The following DCC variants were observed in gnomAD, a reference collection of about 807,000 sequenced individuals.
DCC encodes the protein DCC netrin 1 receptor.
In DCC, 58 loss-of-function variants were observed where a neutral mutation model predicts 172.5. That is an observed-to-expected ratio of 0.34 (90% CI 0.27 to 0.42). The LOEUF (loss-of-function observed/expected upper bound fraction) is 0.42. Among genes scored for constraint, DCC ranks in the 10% least tolerant of loss-of-function variants. The pLI, the probability that DCC is intolerant of heterozygous loss-of-function variation, is 1.00. For synonymous variants in DCC, 709 were observed against 644.5 expected (o/e 1.10, Z -1.52); for missense variants, 1,740 against 1,791.0 (o/e 0.97, Z 0.51).
intron 1 of DCC, among the ~76,000 whole-genome samples, chr18:52,461,926 T>C (rs73955645): frequency 0.041 from 6,280 of 152,300 alleles, 178 homozygotes; most frequent in South Asian, 0.12. Flanking sequence ...CAGCGCCTTA[T>C]CTTCTTTCCT....
intron 1 of DCC, among the ~76,000 whole-genome samples, chr18:52,683,163 A>T (rs1057157764): frequency 1.3e-5 from 2 of 152,106 alleles, no homozygotes; most frequent in Non-Finnish European, 2.9e-5. Flanking sequence ...AATGATTGCA[A>T]GTCTTTGTCT....
chr18:52,993,452 T>A (rs772721492), intron 5 of DCC, among the ~76,000 whole-genome samples: 1 of 152,176 alleles, frequency 6.6e-6, no homozygotes, highest in East Asian at 1.9e-4. Context: ...AACACCACAC[T>A]GGTCACCTCT....
intron 12 of DCC, among the ~76,000 whole-genome samples, chr18:53,274,593 C>T (rs1007801960): frequency 2.6e-5 from 4 of 152,110 alleles, no homozygotes; most frequent in Admixed American, 2.6e-4. Flanking sequence ...AACATATCTA[C>T]TCCTAGAATT....
chr18:53,000,711 G>T (rs2143841711), intron 5 of DCC, among the ~76,000 whole-genome samples: 1 of 149,290 alleles, frequency 6.7e-6, no homozygotes, highest in East Asian at 2.0e-4. Context: ...TCAGGGACAG[G>T]AACTCAGTCA....
chr18:53,474,494 T>C (rs922917203), intron 25 of DCC, among the ~76,000 whole-genome samples: 1 of 152,178 alleles, frequency 6.6e-6, no homozygotes, highest in Admixed American at 6.5e-5. Context: ...GGTAATTGAA[T>C]CAGGGGCAGG....
chr18:52,627,574 T>C, intron 1 of DCC, among the ~76,000 whole-genome samples: 1 of 152,228 alleles, frequency 6.6e-6, no homozygotes, highest in Admixed American at 6.5e-5. Context: ...GGTTGTTCAG[T>C]TGAGCTTCCC....
chr18:53,274,758 G>T (rs989868958), intron 12 of DCC, among the ~76,000 whole-genome samples: 2 of 152,132 alleles, frequency 1.3e-5, no homozygotes, highest in African/African-American at 4.8e-5. Context: ...AAAGCAAGCT[G>T]TGTAGGCCCT....
At chr18:52,398,121 GAC>G (rs377195215) in intron 1 of DCC, among the ~76,000 whole-genome samples, 18,977 of 151,872 alleles carry the variant, frequency 0.12, 1,343 homozygotes, top group Middle Eastern at 0.16. Flanking sequence ...CTTTAACTTT[GAC>G]GGTACATACA....
At chr18:53,454,028 A>G (rs1054259357) in intron 23 of DCC, among the ~76,000 whole-genome samples, 2 of 152,206 alleles carry the variant, frequency 1.3e-5, no homozygotes, top group Admixed American at 6.5e-5. Flanking sequence ...TAGTGAGATT[A>G]TCGTATGACA....
intron 2 of DCC, among the ~76,000 whole-genome samples, chr18:52,881,651 A>T (rs2039487250): frequency 6.6e-6 from 1 of 152,064 alleles, no homozygotes; most frequent in Non-Finnish European, 1.5e-5. Flanking sequence ...ATTCTGTTCC[A>T]TTGGTCTATG....
intron 1 of DCC, among the ~76,000 whole-genome samples, chr18:52,371,898 C>T (rs1357158459): frequency 6.6e-6 from 1 of 152,172 alleles, no homozygotes; most frequent in Non-Finnish European, 1.5e-5. Context: ...CCAGGCAATG[C>T]TTTGATAATA....
At chr18:53,109,453 C>A (rs1454235464) in intron 7 of DCC, among the ~76,000 whole-genome samples, 1 of 151,358 alleles carries the variant, frequency 6.6e-6, no homozygotes, top group Non-Finnish European at 1.5e-5. Context: ...TTTCTGTGTG[C>A]AAGCCTTGCC....
chr18:53,351,386 A>ATATATACAG (rs1216394842), intron 15 of DCC, among the ~76,000 whole-genome samples: 2 of 20,550 alleles, frequency 9.7e-5, no homozygotes, highest in Non-Finnish European at 1.8e-4. Flanking sequence ...TATATACAGT[A>ATATATACAG]TATATATATA....
intron 1 of DCC, among the ~76,000 whole-genome samples, chr18:52,675,293 G>A (rs2035628987): frequency 6.6e-6 from 1 of 152,250 alleles, no homozygotes; most frequent in South Asian, 2.1e-4. Context: ...GACCTCAAGT[G>A]ATCCAACTGC....
intron 22 of DCC, among the ~76,000 whole-genome samples, chr18:53,440,338 A>G (rs577713193): frequency 2.6e-4 from 40 of 152,306 alleles, no homozygotes; most frequent in Non-Finnish European, 4.6e-4. Context: ...ATTGACCTCA[A>G]CCTTTAAAGA....
intron 13 of DCC, among the ~76,000 whole-genome samples, chr18:53,321,498 A>T (rs2057411075): frequency 6.6e-6 from 1 of 152,182 alleles, no homozygotes; most frequent in Non-Finnish European, 1.5e-5. Flanking sequence ...TGCCAAAATC[A>T]TCATAGGGAT....
chr18:53,038,053 C>T (rs1480780614), intron 5 of DCC, among the ~76,000 whole-genome samples: 3 of 152,032 alleles, frequency 2.0e-5, no homozygotes, highest in Middle Eastern at 3.4e-3. Context: ...CCAACAGGTA[C>T]ATTTGAGATT....
intron 2 of DCC, among the ~76,000 whole-genome samples, chr18:52,855,368 A>G (rs1362150652): frequency 1.3e-5 from 2 of 152,202 alleles, no homozygotes; most frequent in African/African-American, 4.8e-5. Flanking sequence ...TATTTTCTAT[A>G]TTCACAGATG....
intron 9 of DCC, among the ~76,000 whole-genome samples, chr18:53,200,483 T>C (rs1020089776): frequency 2.0e-5 from 3 of 152,192 alleles, no homozygotes; most frequent in African/African-American, 7.2e-5. Flanking sequence ...ATTGTGCATA[T>C]CCTTGTGGAA....
Sources: gnomAD v4.1 joint callset for allele counts (sites outside exome capture counted in the v4.1 genomes callset) on GRCh38, gnomAD v4.1.1 for gene constraint, MANE v1.5 for transcripts, NCBI Gene and HGNC (gene_info 2026-07-23, HGNC 2026-07-21) for gene names.